Variants in RC3H2 observed in about 807,000 individuals in gnomAD.
The protein encoded by RC3H2 is roquin-2.
Under a neutral mutation model 133.3 loss-of-function variants are expected in RC3H2, and 31 were observed. The ratio of observed to expected loss-of-function variants is 0.23; its 90% CI spans 0.17 to 0.31. The LOEUF (loss-of-function observed/expected upper bound fraction) is 0.31, where lower values mean the gene tolerates loss of function less well. RC3H2 is among the 10% of genes least tolerant of loss of function. The probability of loss-of-function intolerance (pLI) is 1.00; values close to 1 mark genes in which losing one functional copy is unlikely to be tolerated. For synonymous variants in RC3H2, 517 were observed against 502.2 expected, an observed-to-expected ratio of 1.03 and a Z score of -0.40; for missense variants, 1,175 against 1,437.2, an observed-to-expected ratio of 0.82 and a Z score of 2.95.
intron 9 of RC3H2, among the ~76,000 whole-genome samples, chr9:122,872,881 T>C (rs368341694): frequency 6.6e-6 from 1 of 152,352 alleles, no homozygotes; most frequent in African/African-American, 2.4e-5. Flanking sequence ...CCACTGCTCC[T>C]GGCCACTATT....
intron 3 of RC3H2, 84 bp downstream of exon 3, chr9:122,892,825 T>A (rs1832243690): frequency 1.9e-6 from 2 of 1,035,628 alleles, no homozygotes; most frequent in South Asian, 1.4e-5. Context: ...TTCCATAACT[T>A]AATAGGGTAT....
intron 3 of RC3H2, among the ~76,000 whole-genome samples, chr9:122,891,646 A>C (rs1174326010): frequency 6.6e-6 from 1 of 152,188 alleles, no homozygotes; most frequent in African/African-American, 2.4e-5. Context: ...GTATCCCAGC[A>C]CTAGAAGAAT....
At chr9:122,890,574 A>G (rs769801182) in intron 3 of RC3H2, 29 bp from the exon 4 acceptor site, 2 of 1,541,612 alleles carry the variant, frequency 1.3e-6, no homozygotes, top group African/African-American at 1.4e-5. Flanking sequence ...AAAGGGAGCT[A>G]AAGTTTTTTC....
At chr9:122,859,635 T>C (rs1047293310) in intron 11 of RC3H2, among the ~76,000 whole-genome samples, 3 of 152,174 alleles carry the variant, frequency 2.0e-5, no homozygotes, top group African/African-American at 4.8e-5. Context: ...CTTTCCAAAA[T>C]TGAACATAAG....
intron 9 of RC3H2, chr9:122,874,024 T>TG: frequency 6.6e-6 from 1 of 152,114 alleles, no homozygotes; most frequent in South Asian, 2.1e-4. Context: ...TGGAGTGCTA[T>TG]GGCAGCATGG....
Position 122,846,752 on chromosome 9 carries a change from T to A in RC3H2, c.*2875A>T, listed in dbSNP as rs1468571028. The A allele has an allele frequency of 2.0e-5, 3 of 152,182 alleles. No individual in the cohort carries two copies. The highest frequency in any genetic ancestry group is 7.2e-5 in the African/African-American group (3 of 41,448). The allele number at this position is 152,182 out of a possible 1,614,324, so 9.4% of individuals were successfully genotyped here. A position where few individuals can be genotyped will look rare whatever the true frequency, so the allele number is the denominator to read the frequency against. ...TTTGATTCCAAATTTGTACATCACA[T>A]CTTGTTGGTAAAAAGGCCAAATGAC... On this transcript the variant is annotated 3_prime_UTR_variant, in exon 21 of 21. Coordinates refer to ENST00000357244, the MANE Select transcript of RC3H2 (RefSeq NM_001100588.3).
intron 4 of RC3H2, among the ~76,000 whole-genome samples, chr9:122,885,216 A>G (rs374652407): frequency 9.2e-5 from 14 of 152,230 alleles, no homozygotes; most frequent in African/African-American, 4.8e-5. Flanking sequence ...AAGGAGCATA[A>G]AACAAGCAAC....
intron 17 of RC3H2, 22 bp from the exon 18 acceptor site, chr9:122,854,108 GA>G: frequency 1.2e-6 from 2 of 1,612,082 alleles, no homozygotes; most frequent in Non-Finnish European, 1.7e-6. Flanking sequence ...GGGAAAAAAA[GA>G]AAAGTTAGCT....
chr9:122,892,109 GTAAATTTTTTTTTT>G (rs1403559744), intron 3 of RC3H2, among the ~76,000 whole-genome samples: 1 of 151,776 alleles, frequency 6.6e-6, no homozygotes, highest in Non-Finnish European at 1.5e-5. Context: ...AGTGACTCTG[GTAAATTTTTTTTTT>G]TTTTTTGAGA....
chr9:122,868,617 G>T (rs1357400717), intron 9 of RC3H2, among the ~76,000 whole-genome samples: 1 of 151,836 alleles, frequency 6.6e-6, no homozygotes, highest in African/African-American at 2.4e-5. Flanking sequence ...AAGGCCGCAG[G>T]GTCCTCTGCC....
intron 4 of RC3H2, among the ~76,000 whole-genome samples, chr9:122,887,704 A>G (rs2131478664): frequency 6.6e-6 from 1 of 151,480 alleles, no homozygotes; most frequent in African/African-American, 2.4e-5. Flanking sequence ...TTAAGACTGC[A>G]GGAGTTTTAC....
At chr9:122,889,774 T>C (rs192446895) in intron 4 of RC3H2, among the ~76,000 whole-genome samples, 8 of 152,332 alleles carry the variant, frequency 5.3e-5, no homozygotes, top group African/African-American at 7.2e-5. Flanking sequence ...TTGATGGCAA[T>C]TGAAGCTTAA....
chr9:122,852,023 C>G (rs1830044044), intron 18 of RC3H2, among the ~76,000 whole-genome samples: 1 of 151,624 alleles, frequency 6.6e-6, no homozygotes, highest in Non-Finnish European at 1.5e-5. Flanking sequence ...ACCGTCTCTG[C>G]CCGGCCGCCA....
rs757154560 is a variant in RC3H2, at chr9:122,887,854, G to A, written c.583+2458C>T. Among the ~76,000 whole-genome samples, 5 of 148,878 alleles carry A rather than the reference G, an allele frequency of 3.4e-5. No individual in the cohort carries two copies. The East Asian group carries it at 8.0e-4, about 24-fold the overall frequency. On this transcript the variant is annotated intron_variant, in intron 4 of 20. Coordinates refer to ENST00000357244, the MANE Select transcript of RC3H2 (RefSeq NM_001100588.3). ...CTGCCCCGAGGTTAGGGCAATTCTC[G>A]TGCCTCAGCTTCGCGAGTAGCTGAG...
chr9:122,866,811 T>C (rs1292553343), intron 9 of RC3H2, among the ~76,000 whole-genome samples: 1 of 152,162 alleles, frequency 6.6e-6, no homozygotes, highest in African/African-American at 2.4e-5. Flanking sequence ...GATTGCAGCC[T>C]ATGCCCGGCC....
At chr9:122,880,529 G>C in intron 6 of RC3H2, 65 bp downstream of exon 6, 1 of 1,270,394 alleles carries the variant, frequency 7.9e-7, no homozygotes, top group Non-Finnish European at 1.1e-6. Context: ...AGACTCTTTA[G>C]AATATTCTAA....
At chr9:122,861,431 G>C (rs1455117358) in intron 10 of RC3H2, among the ~76,000 whole-genome samples, 2 of 150,142 alleles carry the variant, frequency 1.3e-5, no homozygotes, top group Admixed American at 6.7e-5. Flanking sequence ...CGGAGGTTGT[G>C]GTGAGCCGAG....
At chr9:122,867,238 A>AGGGG (rs1830735334) in intron 9 of RC3H2, among the ~76,000 whole-genome samples, 1 of 63,134 alleles carries the variant, frequency 1.6e-5, no homozygotes, top group Non-Finnish European at 3.2e-5. Context: ...AGGTGGGGGG[A>AGGGG]TCAGCCCCCC....
chr9:122,891,752 C>T (rs1564316348), intron 3 of RC3H2, among the ~76,000 whole-genome samples: 2 of 152,200 alleles, frequency 1.3e-5, no homozygotes, highest in South Asian at 4.1e-4. Flanking sequence ...ACTATGGCCA[C>T]ATACACAACA....
Sources: allele counts gnomAD v4.1 joint callset (sites outside exome capture counted in the v4.1 genomes callset), GRCh38; gene constraint gnomAD v4.1.1; transcripts MANE v1.5; gene names NCBI Gene and HGNC (gene_info 2026-07-23, HGNC 2026-07-21).